VSTM1: variants seen among roughly 807,000 people sequenced by gnomAD.
The protein encoded by VSTM1 is V-set and transmembrane domain-containing protein 1.
A neutral mutation model predicts 33.1 loss-of-function variants in VSTM1; 27 were observed. The observed-to-expected ratio is 0.82, with a 90% confidence interval of 0.60 to 1.12. The LOEUF (loss-of-function observed/expected upper bound fraction) is 1.12. Among genes scored for constraint, VSTM1 ranks in the 50% most tolerant of loss-of-function variants. The probability of loss-of-function intolerance (pLI) is 0.00; values close to 1 mark genes in which losing one functional copy is unlikely to be tolerated. For synonymous variants in VSTM1, 115 were observed against 110.3 expected (o/e 1.04, Z -0.27); for missense variants, 304 against 288.9 (o/e 1.05, Z -0.38).
In VSTM1 at chr19:54,042,367, T is replaced by G. The variant is rs1270986940; in HGVS notation, c.397A>C (p.Thr133Pro). 2 of 1,612,836 alleles carry G rather than the reference T, an allele frequency of 1.2e-6. No homozygotes were observed. The highest frequency in any genetic ancestry group is 1.7e-5 in the Admixed American group (1 of 59,884). The change falls in exon 5 of 9, where the codon ACC (threonine) becomes CCC (proline). Residue 133 changes from threonine to proline, a missense_variant and splice_region_variant. Thr to Pro is a conservative substitution (Grantham distance 38). Transcript: ENST00000338372. ...ELEAPSMKTD[T>P]RTIFVAIFSC... is the part of the protein sequence containing the mutation. ...AAGATGGCGACAAAGATGGTTCTGGTGTCTGGAGGGGGAAGAGCAGGTCAG... is the reference window on the plus strand; with the variant it reads ...AAGATGGCGACAAAGATGGTTCTGGGGTCTGGAGGGGGAAGAGCAGGTCAG...
At chr19:54,059,367 C>A (rs2071275071) in intron 1 of VSTM1, among the ~76,000 whole-genome samples, 3 of 151,620 alleles carry the variant, frequency 2.0e-5, no homozygotes, top group Admixed American at 2.0e-4. Flanking sequence ...GGCCCAGCAA[C>A]CTTTTCTGAT....
At chr19:54,052,289 T>C (rs567819820) in intron 3 of VSTM1, among the ~76,000 whole-genome samples, 3 of 147,194 alleles carry the variant, frequency 2.0e-5, no homozygotes, top group East Asian at 4.0e-4. Flanking sequence ...TCCCAGCTAC[T>C]CGGGAGGCTG....
rs2070373161 is a variant in VSTM1 at position 54,042,818 on chromosome 19, A to ATATACG, written c.395-450_395-449insCGTATA. Among the ~76,000 whole-genome samples, 6 of 57,914 alleles carry ATATACG rather than the reference A, an allele frequency of 1.0e-4. 1 individual carries two copies. In the Admixed American group the frequency reaches 1.0e-3, roughly 10 times the overall value. 38.0% of individuals were successfully genotyped at this position (57,914 alleles called of 152,430 possible). A position where few individuals can be genotyped will look rare whatever the true frequency, so the allele number is the denominator to read the frequency against. On this transcript the variant is annotated intron_variant, in intron 4 of 8. Coordinates refer to ENST00000338372, the MANE Select transcript of VSTM1 (RefSeq NM_198481.4). ...TATATATAAATGTGTATATATATAT[A>ATATACG]TATATATATATATATATATACATAT...
At chr19:54,053,478 C>T (rs1398104445) in intron 3 of VSTM1, among the ~76,000 whole-genome samples, 2 of 142,778 alleles carry the variant, frequency 1.4e-5, no homozygotes, top group African/African-American at 5.2e-5. Flanking sequence ...GGCATTTGCT[C>T]TCTCTTTCTT....
intron 8 of VSTM1, among the ~76,000 whole-genome samples, chr19:54,041,334 C>A (rs2070251960): frequency 6.6e-6 from 1 of 151,828 alleles, no homozygotes; most frequent in South Asian, 2.1e-4. Context: ...CAGAGTCTGG[C>A]TCTGTCGCCC....
At position 54,058,740 on chromosome 19, in the gene VSTM1, A is replaced by G; in HGVS notation, c.35-8T>C. The stretch of plus-strand genomic sequence containing the variant: ...CGTAGCCCAGACACAGCCCTGGAAG[A>G]GAAATCTCAATGAGAGAAAAATTAT... On this transcript the variant is annotated splice_region_variant and splice_polypyrimidine_tract_variant and intron_variant, in intron 1 of 8. Coordinates refer to ENST00000338372, the MANE Select transcript of VSTM1 (RefSeq NM_198481.4). 6.2e-7 allele frequency: 1 copy of G among 1,613,758 alleles called. No homozygotes were observed. The highest frequency in any genetic ancestry group is 8.5e-7 in the Non-Finnish European group (1 of 1,179,972).
chr19:54,045,612 TATCTATC>T (rs1217747111), intron 4 of VSTM1, among the ~76,000 whole-genome samples: 59 of 115,384 alleles, frequency 5.1e-4, no homozygotes, highest in South Asian at 9.4e-4. Flanking sequence ...CATAACCAGT[TATCTATC>T]ATCTATCATC....
Position 54,044,847 on chromosome 19 carries a change from TC to T in VSTM1, c.395-2479del, listed in dbSNP as rs1206672627. Among the ~76,000 whole-genome samples, 7 of 151,894 alleles carry T rather than the reference TC, an allele frequency of 4.6e-5. 1 individual carries two copies. Among genetic ancestry groups the T allele is most frequent in the African/African-American group, 9.7e-5 (4 of 41,442 alleles). Reference sequence around the variant, plus strand: ...AGCTAGGCGACAGAGTCCATGCAGTTCCCCCCCGTTTTTTGTTTTTCTTGGC... The same window carrying T: ...AGCTAGGCGACAGAGTCCATGCAGTTCCCCCCGTTTTTTGTTTTTCTTGGC... On this transcript the variant is annotated intron_variant, in intron 4 of 8. Transcript: ENST00000338372.
At chr19:54,050,643 A>C (rs1191495214) in intron 4 of VSTM1, among the ~76,000 whole-genome samples, 3 of 152,022 alleles carry the variant, frequency 2.0e-5, no homozygotes, top group Non-Finnish European at 4.4e-5. Context: ...TCCACCCCCC[A>C]AAACACAGCA....
chr19:54,057,533 A>G (rs1458523194), intron 3 of VSTM1, among the ~76,000 whole-genome samples: 1 of 147,714 alleles, frequency 6.8e-6, no homozygotes, highest in African/African-American at 2.5e-5. Context: ...AAAGCAGCCG[A>G]GCGCAGTGGC....
At chr19:54,061,066 G>A (rs990804809) in intron 1 of VSTM1, among the ~76,000 whole-genome samples, 3 of 141,358 alleles carry the variant, frequency 2.1e-5, no homozygotes, top group East Asian at 2.1e-4. Flanking sequence ...CACCCAGGCT[G>A]GAGGGCAGCG....
At chr19:54,055,988 A>G (rs1377258470) in intron 3 of VSTM1, among the ~76,000 whole-genome samples, 2 of 140,396 alleles carry the variant, frequency 1.4e-5, no homozygotes, top group African/African-American at 2.6e-5. Flanking sequence ...GTTAATTTCT[A>G]GAGCCAGTAA....
At chr19:54,058,953 T>C (rs2071250188) in intron 1 of VSTM1, among the ~76,000 whole-genome samples, 1 of 148,728 alleles carries the variant, frequency 6.7e-6, no homozygotes, top group Non-Finnish European at 1.5e-5. Flanking sequence ...TACATATATG[T>C]ATATATTTTT....
At chr19:54,051,264 C>T in intron 4 of VSTM1, 146 bp downstream of exon 4, 1 of 765,186 alleles carries the variant, frequency 1.3e-6, no homozygotes, top group Non-Finnish European at 2.1e-6. Context: ...TGTACTCCAG[C>T]CTTGGTGACA....
intron 8 of VSTM1, 139 bp downstream of exon 8, chr19:54,041,640 A>C: frequency 3.1e-6 from 3 of 965,646 alleles, no homozygotes; most frequent in Admixed American, 2.7e-5. Flanking sequence ...GGTTCCCATT[A>C]GGGGAGTTTC....
chr19:54,040,999 G>T lies in VSTM1; in HGVS notation c.673C>A (p.Pro225Thr). 6.2e-7 allele frequency: 1 copy of T among 1,610,358 alleles called. No individual in the cohort carries two copies. Among genetic ancestry groups the T allele is most frequent in the Non-Finnish European group, 8.5e-7 (1 of 1,178,712 alleles). ...GCCGCATATTCATGAGATCCTGGGG[G>T]CTCCTGGGTGGTGTCTGAAGCTGCC... ...SEAASDTTQE[P>T]PGSHEYAALK... The change falls in exon 9 of 9, where the codon CCC becomes ACC. Residue 225 changes from proline (P) to threonine (T), a missense_variant. Pro to Thr is a conservative substitution (Grantham distance 38). Coordinates refer to ENST00000338372, the MANE Select transcript of VSTM1 (RefSeq NM_198481.4).
intron 3 of VSTM1, among the ~76,000 whole-genome samples, chr19:54,056,281 G>T (rs2071097990): frequency 8.5e-6 from 1 of 118,312 alleles, no homozygotes; most frequent in Non-Finnish European, 1.7e-5. Flanking sequence ...GAGTGCAGTG[G>T]CACGATCTTG....
intron 1 of VSTM1, among the ~76,000 whole-genome samples, chr19:54,061,410 A>C (rs1210560902): frequency 6.6e-6 from 1 of 152,232 alleles, no homozygotes; most frequent in African/African-American, 2.4e-5. Flanking sequence ...TGATCTTTGC[A>C]GATGTAATTA....
chr19:54,044,845 GT>G (rs1263044317), intron 4 of VSTM1, among the ~76,000 whole-genome samples: 18 of 152,268 alleles, frequency 1.2e-4, no homozygotes, highest in Admixed American at 9.8e-4. Context: ...AGTCCATGCA[GT>G]TCCCCCCCGT....
Sources: gnomAD v4.1 joint callset for allele counts (sites outside exome capture counted in the v4.1 genomes callset) on GRCh38, gnomAD v4.1.1 for gene constraint, MANE v1.5 for transcripts, NCBI Gene and HGNC (gene_info 2026-07-23, HGNC 2026-07-21) for gene names.